Variants in IGSF21 observed in about 807,000 individuals in gnomAD.
The protein encoded by IGSF21 is immunoglobin superfamily member 21, also known as immunoglobulin superfamily member 21.
Under a neutral mutation model 46.8 loss-of-function variants are expected in IGSF21, and 28 were observed. The observed-to-expected ratio is 0.60, with a 90% CI of 0.44 to 0.82. IGSF21 has a LOEUF of 0.82. IGSF21 is among the 40% of genes least tolerant of loss of function. The probability of loss-of-function intolerance (pLI) is 0.00; values close to 1 mark genes in which losing one functional copy is unlikely to be tolerated. For synonymous variants in IGSF21, 284 were observed against 273.6 expected, an observed-to-expected ratio of 1.04 and a Z score of -0.38; for missense variants, 624 against 665.5, an observed-to-expected ratio of 0.94 and a Z score of 0.69.
At chr1:18,330,245 T>C (rs143118029) in intron 3 of IGSF21, among the ~76,000 whole-genome samples, 365 of 152,224 alleles carry the variant, frequency 2.4e-3, no homozygotes, top group African/African-American at 8.5e-3. Flanking sequence ...TGAGAAGAGA[T>C]GGATTGGTCA....
intron 1 of IGSF21, among the ~76,000 whole-genome samples, chr1:18,181,041 C>T (rs2086852085): frequency 6.6e-6 from 1 of 152,210 alleles, no homozygotes; most frequent in Non-Finnish European, 1.5e-5. Context: ...GTGATCCCTG[C>T]ATCGGGCAGG....
At chr1:18,239,280 A>G (rs16861749) in intron 2 of IGSF21, among the ~76,000 whole-genome samples, 1,686 of 152,016 alleles carry the variant, frequency 0.011, 39 homozygotes, top group African/African-American at 0.038. Context: ...GAAATGAGGG[A>G]TGTTTCCCAG....
chr1:18,375,748 C>T (rs2124640454), intron 6 of IGSF21, among the ~76,000 whole-genome samples: 1 of 152,290 alleles, frequency 6.6e-6, no homozygotes, highest in East Asian at 1.9e-4. Context: ...TCTTGGCTCT[C>T]CTCAAGGTGT....
intron 4 of IGSF21, among the ~76,000 whole-genome samples, chr1:18,352,147 C>A (rs577170731): frequency 6.6e-6 from 1 of 152,328 alleles, no homozygotes; most frequent in East Asian, 1.9e-4. Context: ...CTGTGCCCCT[C>A]TGCTGAGGCC....
At chr1:18,304,092 C>G (rs72936963) in intron 3 of IGSF21, among the ~76,000 whole-genome samples, 2 of 152,116 alleles carry the variant, frequency 1.3e-5, no homozygotes, top group Non-Finnish European at 2.9e-5. Context: ...GACCTGGCAG[C>G]ACTCGCTGAT....
At chr1:18,294,233 A>C (rs995780283) in intron 3 of IGSF21, among the ~76,000 whole-genome samples, 1 of 152,160 alleles carries the variant, frequency 6.6e-6, no homozygotes, top group African/African-American at 2.4e-5. Flanking sequence ...GGCTAGCTGC[A>C]AGTTGTGAGG....
At chr1:18,324,882 G>A (rs759608477) in intron 3 of IGSF21, among the ~76,000 whole-genome samples, 10 of 152,176 alleles carry the variant, frequency 6.6e-5, no homozygotes, top group Non-Finnish European at 8.8e-5. Context: ...GGGTTATTCC[G>A]TCTTCGGTAT....
chr1:18,221,886 C>T (rs2084513890), intron 1 of IGSF21, among the ~76,000 whole-genome samples: 2 of 152,170 alleles, frequency 1.3e-5, no homozygotes, highest in Admixed American at 1.3e-4. Flanking sequence ...GTGGCCTCTG[C>T]TTCTGGCCTC....
chr1:18,365,341 T>C lies in IGSF21; in HGVS notation c.659T>C (p.Leu220Pro). The change falls in exon 6 of 10, where the codon CTG becomes CCG. Residue 220 changes from leucine to proline, a missense_variant. Coordinates refer to ENST00000251296, the MANE Select transcript of IGSF21 (RefSeq NM_032880.5). This position sits in a 1 kb window ranked among gnomAD's most constrained non-coding sequence, Gnocchi z 4.8. ...TTCCGCAGCCTTCTGCACCGTGACC[T>C]GGATGACACCAAGATGCAGAAGTCA... ...RPFRSLLHRD[L>P]DDTKMQKSLS... 6.2e-7 allele frequency: 1 copy of C among 1,614,060 alleles called. No individual in the cohort carries two copies. The highest frequency in any genetic ancestry group is 1.3e-5 in the African/African-American group (1 of 75,010).
chr1:18,318,232 CG>C (rs1557641100), intron 3 of IGSF21, among the ~76,000 whole-genome samples: 1 of 152,130 alleles, frequency 6.6e-6, no homozygotes, highest in Non-Finnish European at 1.5e-5. Flanking sequence ...CCTGGCCCCC[CG>C]TCCCAAATTT....
At chr1:18,370,113 A>G (rs1450546502) in intron 6 of IGSF21, among the ~76,000 whole-genome samples, 1 of 152,172 alleles carries the variant, frequency 6.6e-6, no homozygotes, top group Admixed American at 6.5e-5. Flanking sequence ...CCCAAGCACC[A>G]TCAGTTCAAG....
At chr1:18,190,700 G>A (rs188553615) in intron 1 of IGSF21, among the ~76,000 whole-genome samples, 146 of 152,322 alleles carry the variant, frequency 9.6e-4, no homozygotes, top group African/African-American at 3.2e-3. Flanking sequence ...GAAAGCCCCG[G>A]GCAGAAGGCT....
At chr1:18,212,472 G>T (rs914907603) in intron 1 of IGSF21, among the ~76,000 whole-genome samples, 2 of 152,156 alleles carry the variant, frequency 1.3e-5, no homozygotes, top group Non-Finnish European at 2.9e-5. Context: ...CATCACCATT[G>T]TCCTGAGAAA....
chr1:18,304,207 G>A (rs1418260067), intron 3 of IGSF21, among the ~76,000 whole-genome samples: 1 of 152,196 alleles, frequency 6.6e-6, no homozygotes, highest in African/African-American at 2.4e-5. Context: ...GAGAAGAGGT[G>A]ACTGATGAAG....
At chr1:18,315,472 C>A (rs1469887464) in intron 3 of IGSF21, among the ~76,000 whole-genome samples, 1 of 152,196 alleles carries the variant, frequency 6.6e-6, no homozygotes, top group Non-Finnish European at 1.5e-5. Context: ...TGTTATCTTC[C>A]TAGTAATTAC....
chr1:18,159,014 C>A (rs575226909), intron 1 of IGSF21, among the ~76,000 whole-genome samples: 1 of 152,312 alleles, frequency 6.6e-6, no homozygotes, highest in Admixed American at 6.5e-5. Flanking sequence ...TCCTCCCAGA[C>A]CCTCCCAGGT....
chr1:18,204,402 A>G (rs957356795), intron 1 of IGSF21, among the ~76,000 whole-genome samples: 2 of 152,214 alleles, frequency 1.3e-5, no homozygotes, highest in African/African-American at 4.8e-5. Context: ...TCAGGGATCC[A>G]AAGGAATCTA....
At chr1:18,376,076 A>G in intron 6 of IGSF21, 3 of 477,862 alleles carry the variant, frequency 6.3e-6, no homozygotes, top group Non-Finnish European at 1.2e-5. Flanking sequence ...ATCATGTCCT[A>G]TATACACCCT....
At position 18,339,777 on chromosome 1, in the gene IGSF21, T is replaced by A. The variant is rs1414109866; in HGVS notation, c.424+4767T>A. Among the ~76,000 whole-genome samples the A allele has an allele frequency of 2.6e-5, 4 of 152,174 alleles. No homozygotes were observed. The East Asian group carries it at 7.7e-4, about 29-fold the overall frequency. ...ACCAAACAACAACAACGAATTCCGATGGATGGGTGGGGCTGTTTGCCTTTC... is the reference window on the plus strand; with the variant it reads ...ACCAAACAACAACAACGAATTCCGAAGGATGGGTGGGGCTGTTTGCCTTTC... On this transcript the variant is annotated intron_variant, in intron 4 of 9. Coordinates refer to ENST00000251296, the MANE Select transcript of IGSF21 (RefSeq NM_032880.5).
Sources: allele counts gnomAD v4.1 joint callset (sites outside exome capture counted in the v4.1 genomes callset), GRCh38; gene constraint gnomAD v4.1.1; non-coding constraint Gnocchi (gnomAD v3.1); transcripts MANE v1.5; gene names NCBI Gene and HGNC (gene_info 2026-07-23, HGNC 2026-07-21).